IL12RB2: variants seen among roughly 807,000 people sequenced by gnomAD.
The protein encoded by IL12RB2 is interleukin-12 receptor subunit beta-2.
A neutral mutation model predicts 89.4 loss-of-function variants in IL12RB2; 82 were observed. The observed-to-expected ratio is 0.92, with a 90% CI of 0.77 to 1.10. IL12RB2 has a LOEUF of 1.10. Among genes scored for constraint, IL12RB2 ranks in the 50% least tolerant of loss-of-function variants. IL12RB2 has a pLI of 0.00. For synonymous variants in IL12RB2, 368 were observed against 370.1 expected (o/e 0.99, Z 0.07); for missense variants, 963 against 1,031.9 (o/e 0.93, Z 0.92).
At chr1:67,315,830 C>T (rs1167060724) in intron 2 of IL12RB2, among the ~76,000 whole-genome samples, 1 of 152,178 alleles carries the variant, frequency 6.6e-6, no homozygotes, top group Non-Finnish European at 1.5e-5. Context: ...CAGGGAGTGT[C>T]TTTCATATGG....
chr1:67,359,675 T>C (rs1661767255), intron 10 of IL12RB2, among the ~76,000 whole-genome samples: 2 of 151,958 alleles, frequency 1.3e-5, no homozygotes, highest in South Asian at 4.1e-4. Context: ...TGAGCCAAGA[T>C]CATGCCATTG....
At chr1:67,337,258 T>C (rs927836364) in intron 8 of IL12RB2, among the ~76,000 whole-genome samples, 3 of 152,194 alleles carry the variant, frequency 2.0e-5, no homozygotes, top group Non-Finnish European at 4.4e-5. Flanking sequence ...CTTTCTAACC[T>C]AGGAAAAAAC....
intron 10 of IL12RB2, among the ~76,000 whole-genome samples, chr1:67,358,784 T>C (rs2100905118): frequency 6.6e-6 from 1 of 152,222 alleles, no homozygotes. Context: ...TATGGTTAAA[T>C]ACTGTAAAAG....
chr1:67,311,458 T>C (rs1655046641), intron 1 of IL12RB2, among the ~76,000 whole-genome samples: 1 of 152,242 alleles, frequency 6.6e-6, no homozygotes, highest in Admixed American at 6.5e-5. Context: ...GTGGTTTTTC[T>C]GGGTTATCTT....
intron 9 of IL12RB2, among the ~76,000 whole-genome samples, chr1:67,343,746 AG>A (rs1232873574): frequency 3.3e-5 from 5 of 152,364 alleles, no homozygotes; most frequent in Middle Eastern, 3.4e-3. Context: ...TATGAGAACC[AG>A]GTAAAGCCAC....
chr1:67,311,775 C>T (rs1185353474), intron 1 of IL12RB2, among the ~76,000 whole-genome samples: 1 of 152,006 alleles, frequency 6.6e-6, no homozygotes. Flanking sequence ...TGATCACTAC[C>T]CTTAGTTTTT....
At chr1:67,325,128 G>C (rs1054504984) in intron 4 of IL12RB2, among the ~76,000 whole-genome samples, 2 of 152,230 alleles carry the variant, frequency 1.3e-5, no homozygotes, top group African/African-American at 4.8e-5. Flanking sequence ...AGATCAAATG[G>C]GGTCATGCAC....
chr1:67,390,080 TC>T lies in IL12RB2; in HGVS notation c.2000del (p.Pro667GlnfsTer27). The part of the protein sequence containing the change: ...LRPQWCSREI[P>X]DPANSTCAKK... ...GACCTCAGTGGTGTAGCAGAGAAAT[TC>T]CAGATCCAGCAAATAGCACTTGCGC... On this transcript the variant is annotated frameshift_variant, in exon 16 of 17. Coordinates refer to ENST00000674203, the MANE Select transcript of IL12RB2 (RefSeq NM_001374259.2). LOFTEE classifies it low-confidence loss of function (END_TRUNC). The T allele has an allele frequency of 1.4e-6, 2 of 1,403,596 alleles. No homozygotes were observed. Among genetic ancestry groups the T allele is most frequent in the Non-Finnish European group, 2.0e-6 (2 of 987,672 alleles). The allele number at this position is 1,403,596 out of a possible 1,614,324, so 86.9% of individuals were successfully genotyped here. A position where few individuals can be genotyped will look rare whatever the true frequency, so the allele number is the denominator to read the frequency against.
intron 16 of IL12RB2, among the ~76,000 whole-genome samples, chr1:67,393,931 T>C (rs1666092361): frequency 6.6e-6 from 1 of 152,068 alleles, no homozygotes; most frequent in Admixed American, 6.6e-5. Flanking sequence ...CTTACAGACA[T>C]ATAAAAAAAG....
rs1661914343 is a variant in IL12RB2 at position 67,360,511 on chromosome 1, T to C, written c.1259-7314T>C. ...GGAACCGTTATAAAATACATCAGAG[T>C]TGGCCAGGTGCAGTGGTTCACGCCT... is the stretch of plus-strand genomic sequence containing the variant. On this transcript the variant is annotated intron_variant, in intron 10 of 16. Transcript: ENST00000674203. Among the ~76,000 whole-genome samples the C allele has an allele frequency of 2.6e-5, 4 of 151,274 alleles. No homozygotes were observed. In the South Asian group the frequency reaches 8.4e-4, roughly 32 times the overall value.
At chr1:67,307,812 CAGAGGCG>C (rs1282004615), upstream of IL12RB2, 1 of 152,220 alleles carries the variant, frequency 6.6e-6, no homozygotes, top group Non-Finnish European at 1.5e-5. Flanking sequence ...GTTGGTGGCG[CAGAGGCG>C]GGAGGCGGAG....
Position 67,395,644 on chromosome 1 carries a change from C to G in IL12RB2, c.2144C>G (p.Thr715Ser). The G allele has an allele frequency of 6.2e-7, 1 of 1,614,166 alleles. No individual in the cohort carries two copies. Among genetic ancestry groups the G allele is most frequent in the Non-Finnish European group, 8.5e-7 (1 of 1,180,028 alleles). Residue 715 changes from threonine (T) to serine (S), a missense_variant, in exon 17 of 17, where the codon ACC (threonine) becomes AGC (serine). Coordinates refer to ENST00000674203, the MANE Select transcript of IL12RB2 (RefSeq NM_001374259.2). ...ATCAGTGAAGTCCTTCATCAAGTGACCCCAGTTTTCAGACATCCCCCCTGC... is the reference window on the plus strand; with the variant it reads ...ATCAGTGAAGTCCTTCATCAAGTGAGCCCAGTTTTCAGACATCCCCCCTGC... ...LVISEVLHQV[T>S]PVFRHPPCSN...
At position 67,396,251 on chromosome 1, in the gene IL12RB2, G is replaced by A. The variant is rs940635872; in HGVS notation, c.*162G>A. The A allele has an allele frequency of 9.6e-6, 7 of 730,478 alleles. No homozygotes were observed. Among genetic ancestry groups the A allele is most frequent in the African/African-American group, 8.6e-5 (5 of 58,314 alleles). The allele number at this position is 730,478 out of a possible 1,614,324, so 45.2% of individuals were successfully genotyped here. ...CAGCTCTGGGGGAGTCTTAGGAACT[G>A]GGAGTTGGTCTTCACTCAGATGCCT... On this transcript the variant is annotated 3_prime_UTR_variant, in exon 17 of 17. Coordinates refer to ENST00000674203, the MANE Select transcript of IL12RB2 (RefSeq NM_001374259.2).
chr1:67,394,428 T>C (rs1666150695), intron 16 of IL12RB2, among the ~76,000 whole-genome samples: 1 of 151,876 alleles, frequency 6.6e-6, no homozygotes, highest in Admixed American at 6.6e-5. Flanking sequence ...AGGAAAGAGA[T>C]AGGACATTGA....
chr1:67,389,732 A>G (rs1156644425), intron 15 of IL12RB2, among the ~76,000 whole-genome samples: 1 of 152,198 alleles, frequency 6.6e-6, no homozygotes, highest in East Asian at 1.9e-4. Context: ...TGCTGGTCAC[A>G]TATTAGGGGT....
At chr1:67,327,669 T>C (rs904011433) in intron 5 of IL12RB2, among the ~76,000 whole-genome samples, 1 of 152,216 alleles carries the variant, frequency 6.6e-6, no homozygotes, top group Non-Finnish European at 1.5e-5. Flanking sequence ...CATGATCCCA[T>C]TAAAGATCCA....
rs546268670 is a variant in IL12RB2, at chr1:67,321,995, C to A, written c.364+106C>A. Reference sequence around the variant, plus strand: ...ACCCAAATACAGGTTAATGTTCTTTCTTTTCCCACCACATTGAAGTATTTT... The same window carrying A: ...ACCCAAATACAGGTTAATGTTCTTTATTTTCCCACCACATTGAAGTATTTT... On this transcript the variant is annotated intron_variant, in intron 4 of 16. Transcript: ENST00000674203. The A allele has an allele frequency of 1.3e-5, 12 of 954,330 alleles. No individual in the cohort carries two copies. The African/African-American group carries it at 1.6e-4, about 13-fold the overall frequency. The allele number at this position is 954,330 out of a possible 1,614,324, so 59.1% of individuals were successfully genotyped here.
chr1:67,320,778 G>T (rs1656389169), intron 3 of IL12RB2, among the ~76,000 whole-genome samples: 1 of 151,416 alleles, frequency 6.6e-6, no homozygotes, highest in Admixed American at 6.6e-5. Context: ...TGGGATACAT[G>T]TGCAGAATGT....
chr1:67,346,032 T>C (rs1258249420), intron 9 of IL12RB2, among the ~76,000 whole-genome samples: 1 of 152,044 alleles, frequency 6.6e-6, no homozygotes, highest in Non-Finnish European at 1.5e-5. Context: ...GTTAAGTCAG[T>C]TCAGTATAGC....
Sources: gnomAD v4.1 joint callset for allele counts (sites outside exome capture counted in the v4.1 genomes callset) on GRCh38, gnomAD v4.1.1 for gene constraint, MANE v1.5 for transcripts, NCBI Gene and HGNC (gene_info 2026-07-23, HGNC 2026-07-21) for gene names.